The following DTNBP1 variants were observed in gnomAD, a reference collection of about 807,000 sequenced individuals.
The protein encoded by DTNBP1 is dysbindin.
A neutral mutation model predicts 42.8 loss-of-function variants in DTNBP1; 35 were observed. The observed-to-expected ratio is 0.82, with a 90% CI of 0.63 to 1.09. The LOEUF (loss-of-function observed/expected upper bound fraction) is 1.09. Among genes scored for constraint, DTNBP1 ranks in the 50% least tolerant of loss-of-function variants. DTNBP1 has a pLI of 0.00. For missense variants in DTNBP1, 457 were observed against 424.2 expected, an observed-to-expected ratio of 1.08 and a Z score of -0.68; for synonymous variants, 171 against 162.2, an observed-to-expected ratio of 1.05 and a Z score of -0.41.
chr6:15,662,819 G>A lies in DTNBP1; in HGVS notation c.51C>T (p.Thr17=). The A allele has an allele frequency of 1.9e-6, 3 of 1,611,754 alleles. No homozygotes were observed. Among genetic ancestry groups the A allele is most frequent in the East Asian group, 2.2e-5 (1 of 44,850 alleles). The change falls in exon 1 of 10, where the codon ACC becomes ACT. Residue 17 remains threonine (T), a synonymous_variant. Transcript: ENST00000344537. ...ERLLSVQQDF[T]SGLKTLSDKS... The stretch of plus-strand genomic sequence containing the variant: ...GTCGCCCACCGTATACCCACCCGGA[G>A]GTGAAATCCTGCTGCACGCTCAGCA...
At position 15,533,375 on chromosome 6, in the gene DTNBP1, C is replaced by A. The variant is rs75704383; in HGVS notation, c.532G>T (p.Ala178Ser). The change falls in exon 8 of 10, where the codon GCC becomes TCC. Residue 178 changes from alanine (A) to serine (S), a missense_variant. Physicochemically the swap from Ala to Ser is moderately conservative, Grantham distance 99 (BLOSUM62 1). Transcript: ENST00000344537. ...TGCTCCATTTCCAGGACCTTCTGGG[C>A]GTGCTCTGCATCTAGTTCAGCTGAG... Reference protein sequence around the residue: ...TFKAELDAEHAQKVLEMEHTQ... With the variant: ...TFKAELDAEHSQKVLEMEHTQ... 6.2e-6 allele frequency: 10 copies of A among 1,614,088 alleles called. No homozygotes were observed. Among genetic ancestry groups the A allele is most frequent in the Admixed American group, 1.7e-5 (1 of 60,010 alleles).
chr6:15,559,542 T>A (rs1367947216), intron 7 of DTNBP1, among the ~76,000 whole-genome samples: 3 of 152,142 alleles, frequency 2.0e-5, no homozygotes, highest in Non-Finnish European at 4.4e-5. Context: ...AAGCCAAATG[T>A]GCACCAAAAA....
At chr6:15,581,094 C>T (rs1325231829) in intron 7 of DTNBP1, among the ~76,000 whole-genome samples, 1 of 152,108 alleles carries the variant, frequency 6.6e-6, no homozygotes. Flanking sequence ...CTACATGGGA[C>T]GAGGTGTTGG....
intron 4 of DTNBP1, among the ~76,000 whole-genome samples, chr6:15,628,303 G>A (rs1254497026): frequency 6.8e-6 from 1 of 146,874 alleles, no homozygotes; most frequent in Non-Finnish European, 1.5e-5. Context: ...TAATCTGTAC[G>A]ATAAAAAATA....
intron 7 of DTNBP1, among the ~76,000 whole-genome samples, chr6:15,562,807 G>A (rs1774904596): frequency 6.6e-6 from 1 of 152,102 alleles, no homozygotes; most frequent in African/African-American, 2.4e-5. Flanking sequence ...CTTAATCTGC[G>A]TAATTCTCCT....
At chr6:15,559,478 C>G (rs573046984) in intron 7 of DTNBP1, among the ~76,000 whole-genome samples, 21 of 152,220 alleles carry the variant, frequency 1.4e-4, no homozygotes, top group Non-Finnish European at 2.4e-4. Context: ...ATGCAACAAC[C>G]GGTGACAACC....
intron 7 of DTNBP1, among the ~76,000 whole-genome samples, chr6:15,568,729 AT>A (rs935611934): frequency 2.0e-5 from 3 of 152,066 alleles, no homozygotes; most frequent in African/African-American, 4.8e-5. Context: ...AGTAAATAAT[AT>A]TTTTTTGTCC....
At chr6:15,541,334 T>C (rs1176476772) in intron 7 of DTNBP1, among the ~76,000 whole-genome samples, 1 of 152,126 alleles carries the variant, frequency 6.6e-6, no homozygotes, top group East Asian at 1.9e-4. Context: ...GGGAGGATAT[T>C]TGAAGGAAAA....
chr6:15,557,346 G>T (rs1774589073), intron 7 of DTNBP1, among the ~76,000 whole-genome samples: 1 of 151,090 alleles, frequency 6.6e-6, no homozygotes, highest in African/African-American at 2.4e-5. Context: ...AAAGGTTTGT[G>T]AAAGACTAAT....
chr6:15,651,673 C>T (rs578232320), intron 2 of DTNBP1, among the ~76,000 whole-genome samples: 1 of 152,192 alleles, frequency 6.6e-6, no homozygotes, highest in South Asian at 2.1e-4. Flanking sequence ...TGGTCACATG[C>T]TTTACTTTAT....
intron 8 of DTNBP1, among the ~76,000 whole-genome samples, chr6:15,531,939 C>T (rs1214581127): frequency 6.6e-6 from 1 of 152,208 alleles, no homozygotes; most frequent in African/African-American, 2.4e-5. Context: ...GCCTCATTCT[C>T]GGATTTCTTT....
At chr6:15,553,513 A>C (rs1343458942) in intron 7 of DTNBP1, among the ~76,000 whole-genome samples, 1 of 150,192 alleles carries the variant, frequency 6.7e-6, no homozygotes, top group East Asian at 2.0e-4. Context: ...AAAGTCTTTT[A>C]TCTATCTTTC....
intron 7 of DTNBP1, among the ~76,000 whole-genome samples, chr6:15,576,370 G>A (rs9476854): frequency 0.16 from 24,052 of 151,922 alleles, 2,895 homozygotes; most frequent in African/African-American, 0.33. Flanking sequence ...TGATCCGCCC[G>A]CTGTGGCCTC....
chr6:15,613,361 T>C (rs1408498738), intron 6 of DTNBP1, among the ~76,000 whole-genome samples: 1,726 of 111,786 alleles, frequency 0.015, 500 homozygotes, highest in African/African-American at 0.058. Context: ...GACCCCATTT[T>C]TTTTTTTTTT....
At chr6:15,568,396 T>C (rs1299637624) in intron 7 of DTNBP1, among the ~76,000 whole-genome samples, 1 of 152,262 alleles carries the variant, frequency 6.6e-6, no homozygotes, top group Non-Finnish European at 1.5e-5. Context: ...TCCCATGTCA[T>C]GTAAAACTTA....
intron 7 of DTNBP1, among the ~76,000 whole-genome samples, chr6:15,559,860 T>G (rs1053200633): frequency 1.3e-5 from 2 of 152,178 alleles, no homozygotes; most frequent in African/African-American, 2.4e-5. Flanking sequence ...CTTGACAACT[T>G]TTTTGCAGGG....
At position 15,659,069 on chromosome 6, in the gene DTNBP1, A is replaced by G. The variant is rs184749247; in HGVS notation, c.56+3745T>C. Among the ~76,000 whole-genome samples, 51 of 152,360 alleles carry G rather than the reference A, an allele frequency of 3.3e-4. No individual in the cohort carries two copies. The South Asian group carries it at 5.0e-3, about 15-fold the overall frequency. The stretch of plus-strand genomic sequence containing the variant: ...CCCCCAAACCACCAGTAATCTCTAC[A>G]CTGCCCTTAAAGAACAATGGTCTTA... On this transcript the variant is annotated intron_variant, in intron 1 of 9. Coordinates refer to ENST00000344537, the MANE Select transcript of DTNBP1 (RefSeq NM_032122.5).
intron 1 of DTNBP1, among the ~76,000 whole-genome samples, chr6:15,652,619 C>T (rs559871585): frequency 1.3e-4 from 19 of 151,838 alleles, no homozygotes; most frequent in South Asian, 4.2e-4. Flanking sequence ...ATACTACAAA[C>T]GGAAAATCTG....
At chr6:15,612,564 T>C (rs924317296) in intron 6 of DTNBP1, among the ~76,000 whole-genome samples, 2 of 152,254 alleles carry the variant, frequency 1.3e-5, no homozygotes, top group South Asian at 2.1e-4. Flanking sequence ...CATTTCTTTA[T>C]AGCTGCACAA....
Sources: allele counts gnomAD v4.1 joint callset (sites outside exome capture counted in the v4.1 genomes callset), GRCh38; gene constraint gnomAD v4.1.1; transcripts MANE v1.5; gene names NCBI Gene and HGNC (gene_info 2026-07-23, HGNC 2026-07-21).